The following SLC36A1 variants were observed in gnomAD, a reference collection of about 807,000 sequenced individuals.
SLC36A1 encodes the protein solute carrier family 36 member 1.
Under a neutral mutation model 47.5 loss-of-function variants are expected in SLC36A1, and 30 were observed. The observed-to-expected ratio is 0.63, with a 90% CI of 0.47 to 0.86. The LOEUF is 0.86. SLC36A1 is among the 40% of genes least tolerant of loss of function. The probability of loss-of-function intolerance (pLI) is 0.00; values close to 1 mark genes in which losing one functional copy is unlikely to be tolerated. For missense variants in SLC36A1, 517 were observed against 606.0 expected (o/e 0.85, Z 1.54); for synonymous variants, 255 against 249.7 (o/e 1.02, Z -0.20).
At chr5:151,529,245 TG>T in the SLC36A1 span, 2 of 1,614,086 alleles carry the variant, frequency 1.2e-6, no homozygotes, top group South Asian at 2.2e-5. Context: ...TTGGGGGAAT[TG>T]GGGCCGGTGT....
chr5:151,357,571 T>C, the SLC36A1 span, among the ~76,000 whole-genome samples: 4 of 152,370 alleles, frequency 2.6e-5, no homozygotes, highest in East Asian at 5.8e-4. Flanking sequence ...GCCAAATCTA[T>C]CCTGACACCT....
At chr5:151,495,938 G>A (rs556847681), downstream of SLC36A1, among the ~76,000 whole-genome samples, 2 of 152,016 alleles carry the variant, frequency 1.3e-5, no homozygotes, top group Admixed American at 6.5e-5. Context: ...TGCAGTTTCC[G>A]GATTTAGTTA....
chr5:151,537,741 T>C, the SLC36A1 span: 2 of 1,553,868 alleles, frequency 1.3e-6, no homozygotes, highest in East Asian at 4.5e-5. Context: ...ACTGGGCACT[T>C]GGTATTCAGT....
At chr5:151,410,528 A>T in the SLC36A1 span, among the ~76,000 whole-genome samples, 2 of 144,882 alleles carry the variant, frequency 1.4e-5, 1 homozygote, top group Admixed American at 1.4e-4. Context: ...TAAATTATAT[A>T]TGGCGAGTCC....
chr5:151,526,023 C>T, the SLC36A1 span: 4 of 1,535,092 alleles, frequency 2.6e-6, no homozygotes, highest in Non-Finnish European at 3.6e-6. Flanking sequence ...TCCTTCCTTT[C>T]GCACGTGTCT....
chr5:151,544,398 G>T, the SLC36A1 span: 1 of 1,614,056 alleles, frequency 6.2e-7, no homozygotes, highest in Non-Finnish European at 8.5e-7. Flanking sequence ...CCGTGGCTCT[G>T]ACTGTGAACA....
the SLC36A1 span, chr5:151,544,928 G>T: frequency 1.9e-6 from 3 of 1,614,100 alleles, no homozygotes; most frequent in Non-Finnish European, 2.5e-6. Flanking sequence ...AATTTGGGGG[G>T]ATTGTCATTG....
chr5:151,482,507 CA>C (rs1266281567), intron 10 of SLC36A1, among the ~76,000 whole-genome samples: 1 of 152,180 alleles, frequency 6.6e-6, no homozygotes, highest in Non-Finnish European at 1.5e-5. Flanking sequence ...ACCAATTTAA[CA>C]AAGTAATTTT....
rs1156305401 is a variant in SLC36A1, at chr5:151,474,159, C to CAAAAAAAAAAAAAAAAAAAAA, written c.822+408_822+409insAAAAAAAAAAAAAAAAAAAAA. Among the ~76,000 whole-genome samples the CAAAAAAAAAAAAAAAAAAAAA allele has an allele frequency of 7.2e-4, 43 of 59,936 alleles. 3 individuals carry two copies. Among genetic ancestry groups the CAAAAAAAAAAAAAAAAAAAAA allele is most frequent in the African/African-American group, 3.2e-3 (38 of 11,982 alleles). 39.3% of individuals were successfully genotyped at this position (59,936 alleles called of 152,430 possible). ...TGGGTGACAGAGCGAGACTCTGTCTCAAAAAAAAAAAAAAAAAAAAGAAAT... is the reference window on the plus strand; with the variant it reads ...TGGGTGACAGAGCGAGACTCTGTCTCAAAAAAAAAAAAAAAAAAAAAAAAAAAAAAAAAAAAAAAAAGAAAT... On this transcript the variant is annotated intron_variant, in intron 8 of 10. Coordinates refer to ENST00000243389, the MANE Select transcript of SLC36A1 (RefSeq NM_078483.4).
chr5:151,397,764 CAAA>C, the SLC36A1 span, among the ~76,000 whole-genome samples: 3 of 44,338 alleles, frequency 6.8e-5, no homozygotes, highest in African/African-American at 8.9e-5. Flanking sequence ...AACTCCAACT[CAAA>C]AAAAAAAAAA....
At chr5:151,534,506 G>T in the SLC36A1 span, 1 of 1,614,032 alleles carries the variant, frequency 6.2e-7, no homozygotes, top group South Asian at 1.1e-5. Flanking sequence ...AGAACCGCGG[G>T]GCATTGTCAT....
chr5:151,506,210 A>T, the SLC36A1 span: 1 of 1,146,078 alleles, frequency 8.7e-7, no homozygotes, highest in Non-Finnish European at 1.2e-6. Context: ...GTGGGTGGGC[A>T]TAGGCCCATC....
At chr5:151,512,261 C>G in the SLC36A1 span, 5 of 1,614,062 alleles carry the variant, frequency 3.1e-6, no homozygotes, top group African/African-American at 1.3e-5. This position sits in a 1 kb window ranked among gnomAD's most constrained non-coding sequence, Gnocchi z 4.1. Context: ...GCTTGTGTCT[C>G]CAGCAAGCCT....
the SLC36A1 span, among the ~76,000 whole-genome samples, chr5:151,536,570 C>T: frequency 7.2e-5 from 11 of 152,284 alleles, no homozygotes; most frequent in Non-Finnish European, 1.2e-4. Context: ...AGGAAGTCCA[C>T]TCCACCAGAC....
the SLC36A1 span, among the ~76,000 whole-genome samples, chr5:151,423,359 A>T: frequency 2.0e-5 from 3 of 152,264 alleles, no homozygotes; most frequent in African/African-American, 7.2e-5. Context: ...AGCTTTATTC[A>T]TAATTGCCAA....
the SLC36A1 span, among the ~76,000 whole-genome samples, chr5:151,537,614 C>G: frequency 6.6e-6 from 1 of 152,212 alleles, no homozygotes; most frequent in Non-Finnish European, 1.5e-5. Flanking sequence ...AGGCCCAAAT[C>G]TTGTCTTATC....
intron 1 of SLC36A1, among the ~76,000 whole-genome samples, chr5:151,452,768 G>C (rs1216991292): frequency 1.3e-5 from 2 of 151,912 alleles, no homozygotes; most frequent in East Asian, 3.9e-4. Context: ...CACTCGGGAG[G>C]CTGAGGCAGG....
chr5:151,544,770 G>A, the SLC36A1 span: 1 of 1,614,118 alleles, frequency 6.2e-7, no homozygotes, highest in African/African-American at 1.3e-5. Context: ...CAAGATAGGG[G>A]TCAATTCGGA....
chr5:151,399,084 A>AT, the SLC36A1 span, among the ~76,000 whole-genome samples: 125 of 60,040 alleles, frequency 2.1e-3, 1 homozygote, highest in African/African-American at 5.8e-3. Flanking sequence ...ATATATATAT[A>AT]TTTTTTTTTT....
Sources: gnomAD v4.1 joint callset for allele counts (sites outside exome capture counted in the v4.1 genomes callset) on GRCh38, gnomAD v4.1.1 for gene constraint, Gnocchi (gnomAD v3.1) non-coding constraint, MANE v1.5 for transcripts, NCBI Gene and HGNC (gene_info 2026-07-23, HGNC 2026-07-21) for gene names.